Variants in CLDN20 observed in about 807,000 individuals in gnomAD.
CLDN20 encodes the protein claudin 20.
For synonymous variants in CLDN20, 104 were observed against 103.6 expected (o/e 1.00, Z -0.03); for missense variants, 258 against 267.9 (o/e 0.96, Z 0.26).
intron 1 of CLDN20, among the ~76,000 whole-genome samples, chr6:155,265,747 T>C (rs892373074): frequency 1.4e-5 from 2 of 146,020 alleles, no homozygotes; most frequent in East Asian, 1.9e-4. Flanking sequence ...TTATATATAA[T>C]ATATAATATA....
chr6:155,264,069 A>C lies in CLDN20; in HGVS notation c.-324A>C. The C allele has an allele frequency of 6.6e-6, 1 of 152,250 alleles. No homozygotes were observed. The highest frequency in any genetic ancestry group is 2.1e-4 in the South Asian group (1 of 4,830). 9.4% of individuals were successfully genotyped at this position (152,250 alleles called of 1,614,324 possible). ...CTGGGTGGTTGGGAACAGGAAGCAT[A>C]TGGCATCTTGCAGGCTATAGGCACC... On this transcript the variant is annotated 5_prime_UTR_variant, in exon 1 of 2. The change abolishes an upstream ATG in the 5' untranslated region. Coordinates refer to ENST00000367165, the MANE Select transcript of CLDN20 (RefSeq NM_001001346.3).
intron 1 of CLDN20, among the ~76,000 whole-genome samples, chr6:155,272,024 C>G (rs1012157567): frequency 6.6e-6 from 1 of 152,162 alleles, no homozygotes; most frequent in African/African-American, 2.4e-5. Flanking sequence ...TCTCAGATTT[C>G]TACGTTGTCC....
chr6:155,266,964 T>C (rs1242210199), intron 1 of CLDN20, among the ~76,000 whole-genome samples: 1 of 145,512 alleles, frequency 6.9e-6, no homozygotes, highest in Non-Finnish European at 1.5e-5. Flanking sequence ...TAGAATACTT[T>C]GCTGCCTTTT....
chr6:155,276,412 TG>T lies in CLDN20; in HGVS notation c.*36del, dbSNP rs1785223189. 6.4e-7 allele frequency: 1 copy of T among 1,570,590 alleles called. No homozygotes were observed. Among genetic ancestry groups the T allele is most frequent in the Non-Finnish European group, 8.7e-7 (1 of 1,155,536 alleles). On this transcript the variant is annotated 3_prime_UTR_variant, in exon 2 of 2. Transcript: ENST00000367165. ...AGTAATGCATATGAAATGGAACTTT[TG>T]GGTGCCAAATGGGACTTTTAGATTA...
Position 155,276,258 on chromosome 6 carries a change from T to C in CLDN20, c.539T>C (p.Ile180Thr). The change falls in exon 2 of 2, where the codon ATT (isoleucine) becomes ACT (threonine). Residue 180 changes from isoleucine to threonine, a missense_variant. Physicochemically the swap from Ile to Thr is moderately conservative, Grantham distance 89 (BLOSUM62 -1). Coordinates refer to ENST00000367165, the MANE Select transcript of CLDN20 (RefSeq NM_001001346.3). ...SAMLLFISGMIFCTSCIKRNP... is the reference protein window; with the variant it reads ...SAMLLFISGMTFCTSCIKRNP... Reference sequence around the variant, plus strand: ...ATGCTGTTGTTTATCTCTGGCATGATTTTCTGCACCTCCTGTATAAAAAGG... The same window carrying C: ...ATGCTGTTGTTTATCTCTGGCATGACTTTCTGCACCTCCTGTATAAAAAGG... 1.2e-6 allele frequency: 2 copies of C among 1,614,132 alleles called. No individual in the cohort carries two copies. The highest frequency in any genetic ancestry group is 1.7e-6 in the Non-Finnish European group (2 of 1,180,022).
In CLDN20 at chr6:155,273,672, G is replaced by C. The variant is rs564241211; in HGVS notation, c.-104-1944G>C. Among the ~76,000 whole-genome samples, 5 of 152,280 alleles carry C rather than the reference G, an allele frequency of 3.3e-5. No individual in the cohort carries two copies. The South Asian group carries it at 1.0e-3, about 32-fold the overall frequency. The stretch of plus-strand genomic sequence containing the variant: ...ACACACAGGGGGAGAAAGAATTTCA[G>C]CAGGAAGTGTTGTGGTAAAAGGGGA... On this transcript the variant is annotated intron_variant, in intron 1 of 1. Transcript: ENST00000367165.
At chr6:155,273,793 C>G (rs1688525999) in intron 1 of CLDN20, among the ~76,000 whole-genome samples, 1 of 152,130 alleles carries the variant, frequency 6.6e-6, no homozygotes, top group Admixed American at 6.5e-5. Flanking sequence ...GGGTGATATC[C>G]TATCTGAACA....
intron 1 of CLDN20, among the ~76,000 whole-genome samples, chr6:155,269,090 T>C (rs1254801448): frequency 3.3e-5 from 5 of 151,410 alleles, no homozygotes; most frequent in African/African-American, 1.2e-4. Context: ...AATGCTGATA[T>C]GTAAAGCTAC....
At chr6:155,265,244 C>A (rs961731526) in intron 1 of CLDN20, among the ~76,000 whole-genome samples, 1 of 152,214 alleles carries the variant, frequency 6.6e-6, no homozygotes. Flanking sequence ...TGGACCCCAG[C>A]GCTGCAGGTC....
At chr6:155,275,077 T>A (rs1413776584) in intron 1 of CLDN20, among the ~76,000 whole-genome samples, 1 of 150,066 alleles carries the variant, frequency 6.7e-6, no homozygotes, top group African/African-American at 2.5e-5. Flanking sequence ...AAAAAAAAAA[T>A]TAGCCGGGCA....
chr6:155,272,726 A>G (rs1444261031), intron 1 of CLDN20, among the ~76,000 whole-genome samples: 1 of 152,178 alleles, frequency 6.6e-6, no homozygotes, highest in Non-Finnish European at 1.5e-5. Flanking sequence ...ATGCAGAAAA[A>G]AAAGCATTTG....
intron 1 of CLDN20, among the ~76,000 whole-genome samples, chr6:155,271,394 A>G (rs1023313519): frequency 6.6e-6 from 1 of 152,192 alleles, no homozygotes; most frequent in Non-Finnish European, 1.5e-5. Context: ...TTTATTCATA[A>G]CATTTCCTGA....
chr6:155,274,022 C>A (rs1365731579), intron 1 of CLDN20, among the ~76,000 whole-genome samples: 1 of 152,172 alleles, frequency 6.6e-6, no homozygotes, highest in Non-Finnish European at 1.5e-5. Context: ...AAATATTGGT[C>A]TAAGCCCTTA....
chr6:155,273,726 G>T (rs543331198), intron 1 of CLDN20, among the ~76,000 whole-genome samples: 3 of 152,328 alleles, frequency 2.0e-5, no homozygotes, highest in African/African-American at 7.2e-5. Context: ...TGTGAGGTAG[G>T]AGGGGTGGAG....
At chr6:155,271,035 A>G (rs886859848) in intron 1 of CLDN20, among the ~76,000 whole-genome samples, 3 of 152,242 alleles carry the variant, frequency 2.0e-5, no homozygotes, top group Non-Finnish European at 4.4e-5. Context: ...CTTAGAAAAG[A>G]GGAAAAAGAG....
intron 1 of CLDN20, among the ~76,000 whole-genome samples, chr6:155,274,925 T>G (rs1279347679): frequency 6.6e-6 from 1 of 152,220 alleles, no homozygotes. Context: ...TCATTAAAAA[T>G]AAAATCATTT....
chr6:155,272,029 T>C (rs1454198290), intron 1 of CLDN20, among the ~76,000 whole-genome samples: 1 of 152,188 alleles, frequency 6.6e-6, no homozygotes, highest in East Asian at 1.9e-4. Context: ...GATTTCTACG[T>C]TGTCCTTTAT....
At chr6:155,266,284 A>G (rs1228991235) in intron 1 of CLDN20, among the ~76,000 whole-genome samples, 1 of 152,204 alleles carries the variant, frequency 6.6e-6, no homozygotes, top group African/African-American at 2.4e-5. Context: ...AGAAAATTAA[A>G]TAAAAGCCAC....
rs115314464 is a variant in CLDN20 at position 155,275,349 on chromosome 6, T to C, written c.-104-267T>C. Among the ~76,000 whole-genome samples, 726 of 152,360 alleles carry C rather than the reference T, an allele frequency of 4.8e-3. 8 individuals are homozygous for C. Among genetic ancestry groups the C allele is most frequent in the African/African-American group, 0.017 (706 of 41,588 alleles). ...CTCCTAACAACGTACATGTCCACGCTACAGTTTCAGCATATGTTGAGTTTT... is the reference window on the plus strand; with the variant it reads ...CTCCTAACAACGTACATGTCCACGCCACAGTTTCAGCATATGTTGAGTTTT... On this transcript the variant is annotated intron_variant, in intron 1 of 1. Transcript: ENST00000367165.
Sources: gnomAD v4.1 joint callset for allele counts (sites outside exome capture counted in the v4.1 genomes callset) on GRCh38, gnomAD v4.1.1 for gene constraint, MANE v1.5 for transcripts, NCBI Gene and HGNC (gene_info 2026-07-23, HGNC 2026-07-21) for gene names.